The following CDH4 variants were observed in gnomAD, a reference collection of about 807,000 sequenced individuals.
CDH4 encodes the protein cadherin 4.
CDH4 carries 33 observed loss-of-function variants against 86.0 expected under a neutral mutation model. The observed-to-expected ratio is 0.38, with a 90% CI of 0.29 to 0.51. The LOEUF is 0.51. Ranked by LOEUF, CDH4 falls within the 20% of genes least tolerant of loss-of-function variation. The probability of loss-of-function intolerance (pLI) is 0.86; values close to 1 mark genes in which losing one functional copy is unlikely to be tolerated. For missense variants in CDH4, 1,114 were observed against 1,307.4 expected (o/e 0.85, Z 2.28); for synonymous variants, 555 against 549.4 (o/e 1.01, Z -0.14).
chr20:61,662,895 G>A (rs921983386), intron 2 of CDH4, among the ~76,000 whole-genome samples: 1 of 151,090 alleles, frequency 6.6e-6, no homozygotes, highest in African/African-American at 2.4e-5. Context: ...CCAGGATCGG[G>A]ACACAGGTCC....
At chr20:61,894,217 T>C (rs945124299) in intron 7 of CDH4, among the ~76,000 whole-genome samples, 37 of 152,268 alleles carry the variant, frequency 2.4e-4, no homozygotes, top group Admixed American at 1.4e-3. Flanking sequence ...CTCTGCCAGC[T>C]CAGGGATTTT....
intron 2 of CDH4, among the ~76,000 whole-genome samples, chr20:61,262,437 C>T (rs73311197): frequency 0.025 from 3,842 of 152,270 alleles, 153 homozygotes; most frequent in African/African-American, 0.088. Context: ...CCCCTTTGCA[C>T]GCTTTTGCCT....
intron 2 of CDH4, among the ~76,000 whole-genome samples, chr20:61,258,447 T>C (rs369462866): frequency 6.6e-6 from 1 of 152,098 alleles, no homozygotes; most frequent in South Asian, 2.1e-4. Flanking sequence ...AGGACCATCT[T>C]GTGTACCCTC....
intron 2 of CDH4, among the ~76,000 whole-genome samples, chr20:61,292,495 G>A (rs983353014): frequency 6.6e-6 from 1 of 152,244 alleles, no homozygotes; most frequent in Non-Finnish European, 1.5e-5. Context: ...GGGGCACTGG[G>A]CAACTACTGG....
chr20:61,475,051 CT>C (rs1237533165), intron 2 of CDH4, among the ~76,000 whole-genome samples: 7 of 152,150 alleles, frequency 4.6e-5, no homozygotes, highest in Non-Finnish European at 1.0e-4. Flanking sequence ...TTTGTGATGC[CT>C]TTTGATTATG....
In CDH4 at chr20:61,528,850, ATT is replaced by A. The variant is rs11476710; in HGVS notation, c.170-214699_170-214698del. The stretch of plus-strand genomic sequence containing the variant: ...GGAAGGGGAACTCGTGATGATCTTG[ATT>A]TTTTTTTTTTTTTGTAACCAGTGCA... On this transcript the variant is annotated intron_variant, in intron 2 of 15. Transcript: ENST00000614565. Among the ~76,000 whole-genome samples the A allele has an allele frequency of 1.1e-3, 152 of 142,572 alleles. 1 individual carries two copies. Among genetic ancestry groups the A allele is most frequent in the African/African-American group, 3.3e-3 (128 of 39,006 alleles). The allele number at this position is 142,572 out of a possible 152,430, so 93.5% of individuals were successfully genotyped here.
rs528854112 is a variant in CDH4, at chr20:61,869,295, A to G, written c.878-4433A>G. 5.3e-5 allele frequency among the ~76,000 whole-genome samples: 8 copies of G among 152,328 alleles called. No homozygotes were observed. The South Asian group carries it at 1.7e-3, about 32-fold the overall frequency. On this transcript the variant is annotated intron_variant, in intron 6 of 15. Transcript: ENST00000614565. Reference sequence around the variant, plus strand: ...AACCACCGGCCAAACACAGCTCAGCACCTGCTTCTGTGAATGGTTTGATGG... The same window carrying G: ...AACCACCGGCCAAACACAGCTCAGCGCCTGCTTCTGTGAATGGTTTGATGG...
rs144921871 is a variant in CDH4, at chr20:61,453,592, A to G, written c.169+198655A>G. 5.8e-3 allele frequency among the ~76,000 whole-genome samples: 891 copies of G among 152,350 alleles called. 2 individuals are homozygous for G. Among genetic ancestry groups the G allele is most frequent in the Middle Eastern group, 0.02 (6 of 294 alleles). On this transcript the variant is annotated intron_variant, in intron 2 of 15. Coordinates refer to ENST00000614565, the MANE Select transcript of CDH4 (RefSeq NM_001794.5). Reference sequence around the variant, plus strand: ...CGCTCAACCCATAACAACCAGAGCCACAGAGAAAGATGGTGCCTTCTGGGC... The same window carrying G: ...CGCTCAACCCATAACAACCAGAGCCGCAGAGAAAGATGGTGCCTTCTGGGC...
At chr20:61,499,571 C>T (rs1361439079) in intron 2 of CDH4, 3 of 1,235,846 alleles carry the variant, frequency 2.4e-6, no homozygotes, top group Non-Finnish European at 3.2e-6. Context: ...ATGCTTCAGA[C>T]AGTGTCCCTG....
At chr20:61,926,358 G>T (rs904148526) in intron 11 of CDH4, among the ~76,000 whole-genome samples, 11 of 152,224 alleles carry the variant, frequency 7.2e-5, no homozygotes, top group African/African-American at 2.4e-4. Flanking sequence ...GGTAGCCATT[G>T]TGCAAACGCT....
intron 2 of CDH4, among the ~76,000 whole-genome samples, chr20:61,627,516 C>T (rs930274873): frequency 2.6e-5 from 4 of 152,208 alleles, no homozygotes; most frequent in African/African-American, 9.7e-5. Flanking sequence ...AAAAGGTCAC[C>T]AGACATCGCC....
rs751629109 is a variant in CDH4 at position 61,929,658 on chromosome 20, G to A, written c.2055G>A (p.Met685Ile). ...SLRILYLEAG[M>I]YDVPIIVTDS... ...GCATCCTGTACCTGGAGGCCGGGAT[G>A]TATGACGTCCCCATCATCGTCACAG... Residue 685 changes from methionine to isoleucine, a missense_variant, in exon 13 of 16, where the codon ATG (methionine) becomes ATA (isoleucine). Physicochemically the swap from Met to Ile is conservative, Grantham distance 10. Coordinates refer to ENST00000614565, the MANE Select transcript of CDH4 (RefSeq NM_001794.5). 1 of 1,614,128 alleles carries A rather than the reference G, an allele frequency of 6.2e-7. No individual in the cohort carries two copies. Among genetic ancestry groups the A allele is most frequent in the Admixed American group, 1.7e-5 (1 of 60,036 alleles).
At chr20:61,399,936 C>A (rs1332093168) in intron 2 of CDH4, among the ~76,000 whole-genome samples, 1 of 152,192 alleles carries the variant, frequency 6.6e-6, no homozygotes, top group Admixed American at 6.5e-5. Context: ...AACCAACCCC[C>A]TGGACAGCTG....
intron 2 of CDH4, among the ~76,000 whole-genome samples, chr20:61,543,816 G>A (rs1421623461): frequency 6.6e-6 from 1 of 152,206 alleles, no homozygotes; most frequent in African/African-American, 2.4e-5. Flanking sequence ...TTGCTTTCAG[G>A]CCACTGAGGC....
At chr20:61,753,473 G>A (rs2088523111) in intron 3 of CDH4, among the ~76,000 whole-genome samples, 1 of 152,192 alleles carries the variant, frequency 6.6e-6, no homozygotes, top group African/African-American at 2.4e-5. Context: ...TGGAAGAACT[G>A]TTTTTTGGTG....
At chr20:61,303,598 T>C (rs2084397460) in intron 2 of CDH4, among the ~76,000 whole-genome samples, 1 of 152,188 alleles carries the variant, frequency 6.6e-6, no homozygotes, top group Non-Finnish European at 1.5e-5. Flanking sequence ...CATCTTGTGA[T>C]TTGGGGGGTG....
At chr20:61,389,312 ACATGG>A (rs1234886679) in intron 2 of CDH4, among the ~76,000 whole-genome samples, 3 of 152,116 alleles carry the variant, frequency 2.0e-5, no homozygotes, top group African/African-American at 4.8e-5. Context: ...TTATCTTATC[ACATGG>A]CATGTCCATG....
At chr20:61,697,252 G>C (rs989014853) in intron 2 of CDH4, among the ~76,000 whole-genome samples, 2 of 152,158 alleles carry the variant, frequency 1.3e-5, no homozygotes, top group Admixed American at 1.3e-4. Flanking sequence ...AGTTCATAGG[G>C]CCCACACCCA....
At position 61,709,743 on chromosome 20, in the gene CDH4, G is replaced by C. The variant is rs80301481; in HGVS notation, c.170-33820G>C. Among the ~76,000 whole-genome samples, 256 of 152,270 alleles carry C rather than the reference G, an allele frequency of 1.7e-3. No individual in the cohort carries two copies. The highest frequency in any genetic ancestry group is 5.9e-3 in the African/African-American group (244 of 41,556). On this transcript the variant is annotated intron_variant, in intron 2 of 15. Transcript: ENST00000614565. The surrounding 1 kb of genome is among the most constrained non-coding windows in gnomAD (Gnocchi z 4.8). ...ACTCTACACACTTGCCACGTCCCCT[G>C]GTCCTCACGAAGCCCAAAATAGCAG...
Sources: allele counts gnomAD v4.1 joint callset (sites outside exome capture counted in the v4.1 genomes callset), GRCh38; gene constraint gnomAD v4.1.1; non-coding constraint Gnocchi (gnomAD v3.1); transcripts MANE v1.5; gene names NCBI Gene and HGNC (gene_info 2026-07-23, HGNC 2026-07-21).